ADGRD1: variants seen among roughly 807,000 people sequenced by gnomAD.
The protein encoded by ADGRD1 is G-protein coupled receptor 133.
ADGRD1 carries 77 observed loss-of-function variants against 113.4 expected under a neutral mutation model. The observed-to-expected ratio is 0.68, with a 90% CI of 0.57 to 0.82. The LOEUF (loss-of-function observed/expected upper bound fraction) is 0.82, where lower values mean the gene tolerates loss of function less well. ADGRD1 is among the 40% of genes least tolerant of loss of function. The pLI is 0.00. For synonymous variants in ADGRD1, 474 were observed against 475.0 expected (o/e 1.00, Z 0.03); for missense variants, 1,036 against 1,139.1 (o/e 0.91, Z 1.30).
intron 13 of ADGRD1, among the ~76,000 whole-genome samples, chr12:131,039,513 G>A (rs927436781): frequency 2.6e-5 from 4 of 152,244 alleles, no homozygotes; most frequent in African/African-American, 9.6e-5. Context: ...AGACAAATGA[G>A]TCCTGTTCCC....
intron 13 of ADGRD1, among the ~76,000 whole-genome samples, chr12:131,038,182 T>C (rs1350006817): frequency 1.3e-5 from 2 of 152,224 alleles, no homozygotes; most frequent in African/African-American, 4.8e-5. Flanking sequence ...TTGAGACGTG[T>C]GGGGACCATC....
Position 131,003,204 on chromosome 12 carries a change from G to C in ADGRD1, c.1046G>C (p.Ser349Thr), listed in dbSNP as rs370854685. 1 of 1,613,906 alleles carries C rather than the reference G, an allele frequency of 6.2e-7. No individual in the cohort carries two copies. Among genetic ancestry groups the C allele is most frequent in the South Asian group, 1.1e-5 (1 of 91,078 alleles). The change falls in exon 10 of 25, where the codon AGT becomes ACT. Residue 349 changes from serine (S) to threonine (T), a missense_variant. Physicochemically the swap from Ser to Thr is moderately conservative, Grantham distance 58. Coordinates refer to ENST00000261654, the MANE Select transcript of ADGRD1 (RefSeq NM_198827.5). The surrounding 1 kb of genome is among the most constrained non-coding windows in gnomAD (Gnocchi z 4.8). ...CTGCAGGACAGCGCCGTGGTACTGA[G>C]TCTCATCGACACTATTGACACCGTC... ...ALSEDSAVVL[S>T]LIDTIDTVMG...
At chr12:131,077,849 C>T (rs544667189) in intron 14 of ADGRD1, among the ~76,000 whole-genome samples, 5 of 152,292 alleles carry the variant, frequency 3.3e-5, no homozygotes, top group Non-Finnish European at 5.9e-5. Flanking sequence ...GCAATCCTTC[C>T]GCCTCTCAAA....
At chr12:131,101,976 C>T (rs1047827003) in intron 15 of ADGRD1, among the ~76,000 whole-genome samples, 1 of 152,182 alleles carries the variant, frequency 6.6e-6, no homozygotes, top group Non-Finnish European at 1.5e-5. Context: ...TGGGTCTCTT[C>T]CCTTCCTCCT....
At chr12:130,998,583 G>A (rs894354118) in intron 8 of ADGRD1, among the ~76,000 whole-genome samples, 4 of 152,022 alleles carry the variant, frequency 2.6e-5, no homozygotes, top group Non-Finnish European at 5.9e-5. Flanking sequence ...TCCTGCCTCA[G>A]CCTCCCAAGT....
intron 21 of ADGRD1, 114 bp downstream of exon 21, chr12:131,131,930 C>T: frequency 1.4e-6 from 1 of 708,526 alleles, no homozygotes; most frequent in Admixed American, 2.2e-5. Flanking sequence ...CCAAAGTCCT[C>T]CACTTGCTCC....
chr12:131,136,817 A>G (rs1555269517), intron 22 of ADGRD1, among the ~76,000 whole-genome samples, 156 bp from the exon 23 acceptor site: 1 of 152,232 alleles, frequency 6.6e-6, no homozygotes, highest in Non-Finnish European at 1.5e-5. Context: ...GGTGGGACCC[A>G]GGACGCCTCT....
intron 4 of ADGRD1, 69 bp from the exon 5 acceptor site, chr12:130,981,815 G>A: frequency 9.8e-7 from 1 of 1,020,042 alleles, no homozygotes; most frequent in South Asian, 1.6e-5. Context: ...AAAGCAAAGA[G>A]AACCATGTGC....
In ADGRD1 at chr12:130,971,506, AG is replaced by A. The variant is rs1446153583; in HGVS notation, c.239del (p.Gly80GlufsTer75). 1.2e-6 allele frequency: 2 copies of A among 1,613,112 alleles called. No individual in the cohort carries two copies. Among genetic ancestry groups the A allele is most frequent in the African/African-American group, 1.3e-5 (1 of 74,896 alleles). On this transcript the variant is annotated frameshift_variant, in exon 4 of 25. Transcript: ENST00000261654. LOFTEE classifies it high-confidence loss of function. The surrounding 1 kb of genome is among the most constrained non-coding windows in gnomAD (Gnocchi z 4.2). ...AAAGGCATTTACCTGAAAGAGGAAA[AG>A]GGAGTCACGCTTCTCTATTACGGCA... ...VNKGIYLKEE[K>X]GVTLLYYGRY...
At chr12:131,110,598 G>A (rs1254481597) in intron 18 of ADGRD1, among the ~76,000 whole-genome samples, 1 of 152,118 alleles carries the variant, frequency 6.6e-6, no homozygotes, top group Non-Finnish European at 1.5e-5. Context: ...AAGAAGCTGG[G>A]ATAAAAGGAG....
At chr12:130,959,320 C>T (rs571401441) in intron 2 of ADGRD1, among the ~76,000 whole-genome samples, 1 of 152,308 alleles carries the variant, frequency 6.6e-6, no homozygotes, top group Admixed American at 6.5e-5. Flanking sequence ...TCCTGGAATC[C>T]CAGCACTTTG....
intron 14 of ADGRD1, among the ~76,000 whole-genome samples, chr12:131,081,715 T>C (rs1375823177): frequency 6.6e-6 from 1 of 152,228 alleles, no homozygotes; most frequent in Non-Finnish European, 1.5e-5. Context: ...ACAATAATAA[T>C]TGCCTGTTTA....
At chr12:131,095,111 C>T (rs1437763175) in intron 15 of ADGRD1, among the ~76,000 whole-genome samples, 1 of 152,204 alleles carries the variant, frequency 6.6e-6, no homozygotes, top group Non-Finnish European at 1.5e-5. Context: ...CCCCATCTCT[C>T]CCTTCAGTCC....
At chr12:131,122,556 C>T (rs995312756) in intron 20 of ADGRD1, among the ~76,000 whole-genome samples, 2 of 152,202 alleles carry the variant, frequency 1.3e-5, no homozygotes, top group Non-Finnish European at 2.9e-5. Flanking sequence ...TGCAAAAACG[C>T]TTTCAGAGCG....
In ADGRD1 at chr12:131,075,235, G is replaced by T. The variant is rs1378183706; in HGVS notation, c.1474-1566G>T. 1.3e-5 allele frequency among the ~76,000 whole-genome samples: 2 copies of T among 152,166 alleles called. No individual in the cohort carries two copies. Among genetic ancestry groups the T allele is most frequent in the African/African-American group, 4.8e-5 (2 of 41,434 alleles). On this transcript the variant is annotated intron_variant, in intron 13 of 24. Coordinates refer to ENST00000261654, the MANE Select transcript of ADGRD1 (RefSeq NM_198827.5). This position sits in a 1 kb window ranked among gnomAD's most constrained non-coding sequence, Gnocchi z 5.3. ...CTGTCTGCTGGAGGCTTTGGCCCTG[G>T]TGTAGCCTGGGCCCAAGGAAGCCTC... is the stretch of plus-strand genomic sequence containing the variant.
intron 13 of ADGRD1, among the ~76,000 whole-genome samples, chr12:131,059,667 G>T (rs1162090257): frequency 6.6e-6 from 1 of 152,154 alleles, no homozygotes; most frequent in Non-Finnish European, 1.5e-5. Context: ...TTTAGATTTT[G>T]GATTTTCAGC....
chr12:131,015,242 C>T (rs1035238410), intron 13 of ADGRD1, among the ~76,000 whole-genome samples: 3 of 152,258 alleles, frequency 2.0e-5, no homozygotes, highest in Non-Finnish European at 1.5e-5. Context: ...CACACTTGTG[C>T]TGCTGGGTGA....
chr12:131,131,261 C>T (rs1002186265), intron 20 of ADGRD1, among the ~76,000 whole-genome samples: 7 of 152,194 alleles, frequency 4.6e-5, no homozygotes, highest in African/African-American at 1.4e-4. Flanking sequence ...TTCTGTGGCT[C>T]GCACAGCCGC....
rs1871597282 is a variant in ADGRD1 at position 130,971,230 on chromosome 12, TATTAA to T, written c.188-224_188-220del. 2 of 215,014 alleles carry T rather than the reference TATTAA, an allele frequency of 9.3e-6. No homozygotes were observed. Among genetic ancestry groups the T allele is most frequent in the East Asian group, 2.2e-4 (2 of 9,098 alleles). The allele number at this position is 215,014 out of a possible 1,614,324, so 13.3% of individuals were successfully genotyped here. On this transcript the variant is annotated intron_variant, in intron 3 of 24. Transcript: ENST00000261654. This position sits in a 1 kb window ranked among gnomAD's most constrained non-coding sequence, Gnocchi z 4.2. Reference sequence around the variant, plus strand: ...ATACAAATACATTAATATCATTTAATATTAAATTTTTATCTGACATACACATTAAT... The same window carrying T: ...ATACAAATACATTAATATCATTTAATATTTTTATCTGACATACACATTAAT...
Sources: allele counts gnomAD v4.1 joint callset (sites outside exome capture counted in the v4.1 genomes callset), GRCh38; gene constraint gnomAD v4.1.1; non-coding constraint Gnocchi (gnomAD v3.1); transcripts MANE v1.5; gene names NCBI Gene and HGNC (gene_info 2026-07-23, HGNC 2026-07-21).